TRAPPC9: variants seen among roughly 807,000 people sequenced by gnomAD.
TRAPPC9 encodes IKK2 binding protein.
A neutral mutation model predicts 124.0 loss-of-function variants in TRAPPC9; 83 were observed. That is an observed-to-expected ratio of 0.67 (90% confidence interval 0.56 to 0.80). The LOEUF (loss-of-function observed/expected upper bound fraction) is 0.80. Among genes scored for constraint, TRAPPC9 ranks in the 30% least tolerant of loss-of-function variants. The pLI is 0.00. For missense variants in TRAPPC9, 1,302 were observed against 1,508.3 expected, an observed-to-expected ratio of 0.86 and a Z score of 2.27; for synonymous variants, 638 against 617.5, an observed-to-expected ratio of 1.03 and a Z score of -0.49.
rs960205038 is a variant in TRAPPC9 at position 140,241,338 on chromosome 8, T to C, written c.2431+11439A>G. Among the ~76,000 whole-genome samples the C allele has an allele frequency of 2.0e-5, 3 of 151,072 alleles. No homozygotes were observed. The highest frequency in any genetic ancestry group is 4.9e-5 in the African/African-American group (2 of 40,916). On this transcript the variant is annotated intron_variant, in intron 16 of 22. Coordinates refer to ENST00000438773, the MANE Select transcript of TRAPPC9 (RefSeq NM_001160372.4). This position sits in a 1 kb window ranked among gnomAD's most constrained non-coding sequence, Gnocchi z 5.0. ...CAGGAGATCACTTGAACCCAGGAAG[T>C]TGTAGTGAGCTGAGATCACACCACT...
At chr8:139,935,985 A>T (rs990823671) in intron 19 of TRAPPC9, among the ~76,000 whole-genome samples, 7 of 152,210 alleles carry the variant, frequency 4.6e-5, no homozygotes, top group Admixed American at 4.6e-4. Flanking sequence ...GGAAGCCTGC[A>T]CCATGTGGGG....
At position 140,192,934 on chromosome 8, in the gene TRAPPC9, C is replaced by T. The variant is rs1368636647; in HGVS notation, c.2556+28525G>A. 2.6e-5 allele frequency among the ~76,000 whole-genome samples: 4 copies of T among 152,276 alleles called. No individual in the cohort carries two copies. In the South Asian group the frequency reaches 8.3e-4, roughly 32 times the overall value. On this transcript the variant is annotated intron_variant, in intron 17 of 22. Coordinates refer to ENST00000438773, the MANE Select transcript of TRAPPC9 (RefSeq NM_001160372.4). ...TTGGGATTACAGGCATCCACCATCA[C>T]ACCCGGCTAATTTTTGTATTTTGAG... is the stretch of plus-strand genomic sequence containing the variant.
At chr8:140,339,457 A>G (rs1588174860) in intron 9 of TRAPPC9, among the ~76,000 whole-genome samples, 1 of 152,238 alleles carries the variant, frequency 6.6e-6, no homozygotes, top group Non-Finnish European at 1.5e-5. Context: ...GAATGAACAT[A>G]TATGAGTGCT....
intron 18 of TRAPPC9, among the ~76,000 whole-genome samples, chr8:139,999,256 G>C (rs1838239478): frequency 6.6e-6 from 1 of 151,808 alleles, no homozygotes. Context: ...TAATGGTATA[G>C]ATATGTTAAA....
At position 140,341,276 on chromosome 8, in the gene TRAPPC9, G is replaced by A. The variant is rs537369787; in HGVS notation, c.1495+18774C>T. Among the ~76,000 whole-genome samples the A allele has an allele frequency of 1.5e-4, 23 of 152,188 alleles. 1 individual carries two copies. Among genetic ancestry groups the A allele is most frequent in the Admixed American group, 1.1e-3 (17 of 15,284 alleles). Reference sequence around the variant, plus strand: ...GATGAATCCATCCTGAGTGGCTAACGGGACCTACATTCAAGTTAGACTCAA... The same window carrying A: ...GATGAATCCATCCTGAGTGGCTAACAGGACCTACATTCAAGTTAGACTCAA... On this transcript the variant is annotated intron_variant, in intron 9 of 22. Transcript: ENST00000438773.
intron 17 of TRAPPC9, among the ~76,000 whole-genome samples, chr8:140,088,025 A>T (rs1387353309): frequency 6.6e-6 from 1 of 151,774 alleles, no homozygotes; most frequent in East Asian, 1.9e-4. Flanking sequence ...TCTCTTTCTC[A>T]TGGTTCAGAC....
intron 19 of TRAPPC9, among the ~76,000 whole-genome samples, chr8:139,934,809 G>A (rs1372979727): frequency 6.6e-6 from 1 of 152,196 alleles, no homozygotes; most frequent in East Asian, 1.9e-4. Flanking sequence ...GGGCAGGACA[G>A]CGCTGGCCAA....
chr8:139,766,601 C>T (rs1010818440), intron 21 of TRAPPC9, among the ~76,000 whole-genome samples: 7 of 152,196 alleles, frequency 4.6e-5, no homozygotes, highest in African/African-American at 1.4e-4. Context: ...GGAGTGCACA[C>T]GCGGCCCCAG....
At chr8:140,324,016 C>A (rs2066671446) in intron 9 of TRAPPC9, among the ~76,000 whole-genome samples, 1 of 152,076 alleles carries the variant, frequency 6.6e-6, no homozygotes, top group South Asian at 2.1e-4. Flanking sequence ...TACGCTGTAC[C>A]CAATTTGTAG....
chr8:139,868,353 C>T (rs1438139912), intron 21 of TRAPPC9, among the ~76,000 whole-genome samples: 1 of 152,128 alleles, frequency 6.6e-6, no homozygotes, highest in Non-Finnish European at 1.5e-5. Context: ...GAGACTCCAT[C>T]TCAAAAATAA....
chr8:140,348,755 T>C (rs1186930851), intron 9 of TRAPPC9, among the ~76,000 whole-genome samples: 1 of 152,196 alleles, frequency 6.6e-6, no homozygotes, highest in East Asian at 1.9e-4. Flanking sequence ...GGTGCACATA[T>C]CTGTGAACAT....
chr8:140,248,739 G>T (rs2131478268), intron 16 of TRAPPC9, among the ~76,000 whole-genome samples: 1 of 152,238 alleles, frequency 6.6e-6, no homozygotes, highest in Non-Finnish European at 1.5e-5. Flanking sequence ...AGGATCATAG[G>T]AAAAGAATAT....
At chr8:139,798,479 T>A (rs1823254690) in intron 21 of TRAPPC9, among the ~76,000 whole-genome samples, 1 of 152,210 alleles carries the variant, frequency 6.6e-6, no homozygotes, top group South Asian at 2.1e-4. Flanking sequence ...TAACCCAGGA[T>A]GAGAAGACGG....
At chr8:140,095,833 T>C (rs900144570) in intron 17 of TRAPPC9, 3 of 152,184 alleles carry the variant, frequency 2.0e-5, no homozygotes, top group Admixed American at 1.3e-4. Context: ...TTCAGCCTCA[T>C]AGATAACCAG....
intron 21 of TRAPPC9, among the ~76,000 whole-genome samples, chr8:139,845,613 C>T (rs140331617): frequency 7.2e-5 from 11 of 152,288 alleles, no homozygotes; most frequent in Non-Finnish European, 1.2e-4. Context: ...GGAGGGAGTG[C>T]CTTCCTCCTT....
intron 21 of TRAPPC9, among the ~76,000 whole-genome samples, chr8:139,789,187 G>A (rs11166929): frequency 0.4 from 58,868 of 147,500 alleles, 13,667 homozygotes; most frequent in Non-Finnish European, 0.52. Context: ...CGGCCTGCCC[G>A]GCGGGCGGGA....
At chr8:140,116,893 G>A (rs543175789) in intron 17 of TRAPPC9, among the ~76,000 whole-genome samples, 1 of 151,096 alleles carries the variant, frequency 6.6e-6, no homozygotes, top group South Asian at 2.1e-4. Flanking sequence ...AGTTCAGTGA[G>A]TAGGCGGAGT....
At chr8:140,138,395 A>G (rs774595680) in intron 17 of TRAPPC9, among the ~76,000 whole-genome samples, 1 of 152,226 alleles carries the variant, frequency 6.6e-6, no homozygotes, top group African/African-American at 2.4e-5. Context: ...TTTAACACAC[A>G]ATCTCTCTCT....
chr8:139,737,372 G>A lies in TRAPPC9; in HGVS notation c.3056-5170C>T, dbSNP rs566684938. Among the ~76,000 whole-genome samples the A allele has an allele frequency of 4.6e-5, 7 of 152,082 alleles. No individual in the cohort carries two copies. The South Asian group carries it at 1.5e-3, about 32-fold the overall frequency. On this transcript the variant is annotated intron_variant, in intron 21 of 22. Coordinates refer to ENST00000438773, the MANE Select transcript of TRAPPC9 (RefSeq NM_001160372.4). ...CGGCCGGCTGGTCCCCAGGAGGTGGGCAGGGATGCCAGCGCATGTGTCCCC... is the reference window on the plus strand; with the variant it reads ...CGGCCGGCTGGTCCCCAGGAGGTGGACAGGGATGCCAGCGCATGTGTCCCC...
Sources: allele counts gnomAD v4.1 joint callset (sites outside exome capture counted in the v4.1 genomes callset), GRCh38; gene constraint gnomAD v4.1.1; non-coding constraint Gnocchi (gnomAD v3.1); transcripts MANE v1.5; gene names NCBI Gene and HGNC (gene_info 2026-07-23, HGNC 2026-07-21).